TBL1XR1: variants seen among roughly 807,000 people sequenced by gnomAD.
TBL1XR1 encodes TBL1X/Y related 1.
Under a neutral mutation model 66.9 loss-of-function variants are expected in TBL1XR1, and 5 were observed. That is an observed-to-expected ratio of 0.07 (90% CI 0.04 to 0.16). The LOEUF (loss-of-function observed/expected upper bound fraction) is 0.16. TBL1XR1 is among the 10% of genes least tolerant of loss of function. The pLI, the probability that TBL1XR1 is intolerant of heterozygous loss-of-function variation, is 1.00. For missense variants in TBL1XR1, 238 were observed against 623.2 expected (o/e 0.38, Z 6.58); for synonymous variants, 210 against 206.0 (o/e 1.02, Z -0.17).
At chr3:177,191,599 A>C (rs923890445) in intron 1 of TBL1XR1, among the ~76,000 whole-genome samples, 4 of 152,218 alleles carry the variant, frequency 2.6e-5, no homozygotes, top group Non-Finnish European at 5.9e-5. Context: ...GTATGGTTAA[A>C]AATGGGAAGT....
intron 1 of TBL1XR1, among the ~76,000 whole-genome samples, chr3:177,180,795 G>A (rs1577405987): frequency 6.6e-6 from 1 of 151,628 alleles, no homozygotes; most frequent in African/African-American, 2.4e-5. Context: ...GGAGTGCAAT[G>A]ACATGATCTC....
intron 7 of TBL1XR1, among the ~76,000 whole-genome samples, chr3:177,048,167 TG>T (rs1460857877): frequency 6.6e-6 from 1 of 152,168 alleles, no homozygotes; most frequent in Non-Finnish European, 1.5e-5. Context: ...TTATAGTTAA[TG>T]AAGTAAGTAC....
intron 2 of TBL1XR1, among the ~76,000 whole-genome samples, chr3:177,067,509 G>C (rs1346616750): frequency 2.0e-5 from 3 of 151,890 alleles, no homozygotes; most frequent in Admixed American, 6.6e-5. Flanking sequence ...ATGCATTCCA[G>C]GGCAAAGAAA....
intron 1 of TBL1XR1, among the ~76,000 whole-genome samples, chr3:177,166,954 C>T (rs145501571): frequency 4.7e-4 from 72 of 152,300 alleles, no homozygotes; most frequent in African/African-American, 1.7e-3. Flanking sequence ...CTTACTAAAA[C>T]TAAACATACT....
chr3:177,046,315 T>G lies in TBL1XR1; in HGVS notation c.865-126A>C, dbSNP rs184324021. On this transcript the variant is annotated intron_variant, in intron 9 of 15. Transcript: ENST00000457928. ...AGTGGATTTAATTTTAAACACTTTA[T>G]CCCAAATAGTACCACAAGGCTATAT... 3 of 626,564 alleles carry G rather than the reference T, an allele frequency of 4.8e-6. No homozygotes were observed. The African/African-American group carries it at 5.8e-5, about 12-fold the overall frequency. 38.8% of individuals were successfully genotyped at this position (626,564 alleles called of 1,614,324 possible).
intron 1 of TBL1XR1, among the ~76,000 whole-genome samples, chr3:177,100,237 C>T (rs1211564832): frequency 6.6e-6 from 1 of 152,062 alleles, no homozygotes; most frequent in Non-Finnish European, 1.5e-5. Context: ...GACTCTGTCT[C>T]AAACAAACAA....
intron 1 of TBL1XR1, among the ~76,000 whole-genome samples, chr3:177,143,695 A>G (rs187703459): frequency 6.6e-6 from 1 of 152,334 alleles, no homozygotes; most frequent in Non-Finnish European, 1.5e-5. Context: ...TTTCAAGGTG[A>G]TGGGAATCTG....
intron 1 of TBL1XR1, among the ~76,000 whole-genome samples, chr3:177,166,928 G>GAC (rs1456449664): frequency 6.6e-6 from 1 of 152,198 alleles, no homozygotes; most frequent in Non-Finnish European, 1.5e-5. Context: ...CACTTTGGGA[G>GAC]ACAGTTTAAC....
At chr3:177,164,640 G>A (rs1051315641) in intron 1 of TBL1XR1, among the ~76,000 whole-genome samples, 2 of 152,122 alleles carry the variant, frequency 1.3e-5, no homozygotes, top group African/African-American at 4.8e-5. Flanking sequence ...GAGCCACTGC[G>A]CCCAGCCTAC....
chr3:177,199,205 G>A (rs1464124815), upstream of TBL1XR1, among the ~76,000 whole-genome samples: 1 of 152,224 alleles, frequency 6.6e-6, no homozygotes, highest in Non-Finnish European at 1.5e-5. Context: ...AATGTCACCC[G>A]ATGGGAATTT....
At position 177,024,718 on chromosome 3, in the gene TBL1XR1, A is replaced by AG. The variant is rs1712854735; in HGVS notation, c.*779_*780insC. 6.6e-6 allele frequency: 1 copy of AG among 151,228 alleles called. No homozygotes were observed. Among genetic ancestry groups the AG allele is most frequent in the South Asian group, 2.1e-4 (1 of 4,810 alleles). The allele number at this position is 151,228 out of a possible 1,614,324, so 9.4% of individuals were successfully genotyped here. ...CATCACCAAAAAACAAAAAAGAAAA[A>AG]AAAAAAAAAAAAGCAAAACAAAAAA... On this transcript the variant is annotated 3_prime_UTR_variant, in exon 16 of 16. Transcript: ENST00000457928.
At chr3:177,066,051 T>C (rs964161091) in intron 2 of TBL1XR1, among the ~76,000 whole-genome samples, 2 of 152,188 alleles carry the variant, frequency 1.3e-5, no homozygotes, top group African/African-American at 4.8e-5. Context: ...AATTCCTCTT[T>C]AAAAATGATA....
chr3:177,021,787 G>T lies in TBL1XR1; in HGVS notation c.*3711C>A, dbSNP rs1712407841. ...GGTCCACTGAAATAGGATTTCTGCGGAAACTGTCAACAGTAGTAATTCACC... is the reference window on the plus strand; with the variant it reads ...GGTCCACTGAAATAGGATTTCTGCGTAAACTGTCAACAGTAGTAATTCACC... On this transcript the variant is annotated 3_prime_UTR_variant, in exon 16 of 16. Coordinates refer to ENST00000457928, the MANE Select transcript of TBL1XR1 (RefSeq NM_024665.7). 1.3e-5 allele frequency: 2 copies of T among 152,722 alleles called. No homozygotes were observed. The highest frequency in any genetic ancestry group is 6.5e-5 in the Admixed American group (1 of 15,298). The allele number at this position is 152,722 out of a possible 1,614,324, so 9.5% of individuals were successfully genotyped here. A position where few individuals can be genotyped will look rare whatever the true frequency, so the allele number is the denominator to read the frequency against.
chr3:177,124,324 C>T (rs1727346779), intron 1 of TBL1XR1, among the ~76,000 whole-genome samples: 1 of 152,038 alleles, frequency 6.6e-6, no homozygotes, highest in African/African-American at 2.4e-5. Context: ...AACTAGAAAT[C>T]CCAGAACTCT....
At chr3:177,115,134 G>A (rs1356119730) in intron 1 of TBL1XR1, among the ~76,000 whole-genome samples, 1 of 152,124 alleles carries the variant, frequency 6.6e-6, no homozygotes, top group Non-Finnish European at 1.5e-5. Flanking sequence ...CCCCACCAGA[G>A]TACAGTGTAA....
At chr3:177,150,710 C>T (rs147167632) in intron 1 of TBL1XR1, among the ~76,000 whole-genome samples, 2 of 152,288 alleles carry the variant, frequency 1.3e-5, no homozygotes, top group African/African-American at 4.8e-5. Context: ...AAAAATATGT[C>T]CTGTGTAGGC....
chr3:177,169,201 A>C (rs1297276374), intron 1 of TBL1XR1, among the ~76,000 whole-genome samples: 1 of 152,206 alleles, frequency 6.6e-6, no homozygotes, highest in Non-Finnish European at 1.5e-5. Context: ...ATTAGTGAAG[A>C]CCAAATTCCA....
At chr3:177,075,033 C>T (rs1420579811) in intron 2 of TBL1XR1, among the ~76,000 whole-genome samples, 1 of 152,172 alleles carries the variant, frequency 6.6e-6, no homozygotes, top group Non-Finnish European at 1.5e-5. Flanking sequence ...ATCAGTTTCC[C>T]AGCGCTACTG....
chr3:177,150,262 A>G (rs1242714216), intron 1 of TBL1XR1, among the ~76,000 whole-genome samples: 3 of 152,222 alleles, frequency 2.0e-5, no homozygotes, highest in Non-Finnish European at 4.4e-5. Context: ...TTAGAGAGAC[A>G]TATGGAATGG....
Sources: gnomAD v4.1 joint callset for allele counts (sites outside exome capture counted in the v4.1 genomes callset) on GRCh38, gnomAD v4.1.1 for gene constraint, MANE v1.5 for transcripts, NCBI Gene and HGNC (gene_info 2026-07-23, HGNC 2026-07-21) for gene names.